ABCC10: variants seen among roughly 807,000 people sequenced by gnomAD.
ABCC10 encodes the protein ATP-binding cassette sub-family C member 10.
A neutral mutation model predicts 143.2 loss-of-function variants in ABCC10; 110 were observed. The observed-to-expected ratio is 0.77, with a 90% CI of 0.66 to 0.90. ABCC10 has a LOEUF of 0.90. ABCC10 is among the 40% of genes least tolerant of loss of function. The pLI is 0.00. For synonymous variants in ABCC10, 805 were observed against 846.7 expected (o/e 0.95, Z 0.85); for missense variants, 1,700 against 1,900.5 (o/e 0.89, Z 1.96).
In ABCC10 at chr6:43,449,918, C is replaced by G. The variant is rs934356230; in HGVS notation, c.4317-11C>G. ...CCTCATCCCCTACACTGACCATCTT[C>G]CCCCTCACAGGCTCAACACGATCCT... On this transcript the variant is annotated splice_polypyrimidine_tract_variant and intron_variant, in intron 21 of 21. Coordinates refer to ENST00000372530, the MANE Select transcript of ABCC10 (RefSeq NM_001198934.2). The G allele has an allele frequency of 1.2e-6, 2 of 1,613,908 alleles. No individual in the cohort carries two copies. The highest frequency in any genetic ancestry group is 1.3e-5 in the African/African-American group (1 of 75,030).
chr6:43,444,642 A>G (rs1020901034), intron 12 of ABCC10, 146 bp from the exon 13 acceptor site: 17 of 1,178,834 alleles, frequency 1.4e-5, no homozygotes, highest in African/African-American at 1.1e-4. Context: ...TAGGGAGGAT[A>G]TGGGGTAGTG....
Position 43,444,698 on chromosome 6 carries a change from C to A in ABCC10, c.2690-90C>A, listed in dbSNP as rs1258621821. 2.0e-6 allele frequency: 3 copies of A among 1,496,190 alleles called. No homozygotes were observed. The East Asian group carries it at 6.9e-5, about 34-fold the overall frequency. The allele number at this position is 1,496,190 out of a possible 1,614,324, so 92.7% of individuals were successfully genotyped here. A position where few individuals can be genotyped will look rare whatever the true frequency, so the allele number is the denominator to read the frequency against. On this transcript the variant is annotated intron_variant, in intron 12 of 21. Coordinates refer to ENST00000372530, the MANE Select transcript of ABCC10 (RefSeq NM_001198934.2). Reference sequence around the variant, plus strand: ...CAGGCGGATGGAGATGGGCAGGAACCAGAGGCAAGGGCGGAGAAAGGGGGC... The same window carrying A: ...CAGGCGGATGGAGATGGGCAGGAACAAGAGGCAAGGGCGGAGAAAGGGGGC...
Sources: allele counts gnomAD v4.1 joint callset, GRCh38; gene constraint gnomAD v4.1.1; transcripts MANE v1.5; gene names NCBI Gene and HGNC (gene_info 2026-07-23, HGNC 2026-07-21).